ATRX: variants seen among roughly 807,000 people sequenced by gnomAD.
ATRX encodes the protein ATRX chromatin remodeler.
In ATRX, 12 loss-of-function variants were observed where a neutral mutation model predicts 172.6. The ratio of observed to expected loss-of-function variants is 0.07; its 90% CI spans 0.04 to 0.11. The LOEUF (loss-of-function observed/expected upper bound fraction) is 0.11. ATRX is among the 10% of genes least tolerant of loss of function. ATRX has a pLI of 1.00. For synonymous variants in ATRX, 674 were observed against 594.7 expected, an observed-to-expected ratio of 1.13 and a Z score of -1.94; for missense variants, 1,368 against 1,767.4, an observed-to-expected ratio of 0.77 and a Z score of 4.05.
intron 30 of ATRX, among the ~76,000 whole-genome samples, chrX:77,549,342 A>T (rs959288782): frequency 7.1e-5 from 8 of 112,055 alleles, no homozygotes; most frequent in African/African-American, 2.6e-4. Flanking sequence ...CTGAGATTGC[A>T]GCACTGCACT....
At chrX:77,679,322 T>C (rs1344618114) in intron 9 of ATRX, among the ~76,000 whole-genome samples, 21 of 111,250 alleles carry the variant, frequency 1.9e-4, no homozygotes, top group African/African-American at 5.5e-4. Context: ...CACCAAGCAG[T>C]TGAAGGATTG....
In ATRX at chrX:77,616,596, CA is replaced by C. The variant is rs782315940; in HGVS notation, c.5566+16del. ...GTCTTTATAGAGAAGATGAAATCAACAAGGTGTATTGTTTACCTGTTAAGTG... is the reference window on the plus strand; with the variant it reads ...GTCTTTATAGAGAAGATGAAATCAACAGGTGTATTGTTTACCTGTTAAGTG... On this transcript the variant is annotated intron_variant, in intron 22 of 34. Coordinates refer to ENST00000373344, the MANE Select transcript of ATRX (RefSeq NM_000489.6). 5.2e-6 allele frequency: 6 copies of C among 1,157,367 alleles called. No homozygotes were observed. Among genetic ancestry groups the C allele is most frequent in the Non-Finnish European group, 5.9e-6 (5 of 846,431 alleles).
At chrX:77,592,534 C>T (rs1323293203) in intron 26 of ATRX, among the ~76,000 whole-genome samples, 1 of 108,502 alleles carries the variant, frequency 9.2e-6, no homozygotes, top group African/African-American at 3.4e-5. Flanking sequence ...TTTTGGAGGC[C>T]GGGCGTGGTG....
At chrX:77,679,106 C>A (rs186352329) in intron 9 of ATRX, among the ~76,000 whole-genome samples, 1 of 111,082 alleles carries the variant, frequency 9.0e-6, no homozygotes, top group Non-Finnish European at 1.9e-5. Flanking sequence ...CTGGCTCACA[C>A]GCAAACTTAT....
chrX:77,597,987 T>C (rs1266598891), intron 25 of ATRX, among the ~76,000 whole-genome samples: 1 of 112,127 alleles, frequency 8.9e-6, no homozygotes, highest in Non-Finnish European at 1.9e-5. Context: ...TGCACTCATA[T>C]ATTTATTACA....
intron 30 of ATRX, among the ~76,000 whole-genome samples, chrX:77,552,396 G>A (rs2064580690): frequency 1.0e-5 from 1 of 99,260 alleles, no homozygotes; most frequent in Non-Finnish European, 2.0e-5. Flanking sequence ...CTCACTCATA[G>A]GTGGGAATTG....
At chrX:77,772,235 C>T (rs910443187) in intron 1 of ATRX, among the ~76,000 whole-genome samples, 1 of 105,574 alleles carries the variant, frequency 9.5e-6, no homozygotes, top group Non-Finnish European at 1.9e-5. Flanking sequence ...GCAGAGAACC[C>T]GGGAGGCAGA....
At chrX:77,632,793 T>A (rs1265914485) in intron 19 of ATRX, among the ~76,000 whole-genome samples, 1 of 112,021 alleles carries the variant, frequency 8.9e-6, no homozygotes, top group African/African-American at 3.2e-5. Context: ...CCTTTCATAC[T>A]GATGGCCCCT....
intron 1 of ATRX, among the ~76,000 whole-genome samples, chrX:77,765,328 G>A (rs1414221970): frequency 8.9e-6 from 1 of 112,182 alleles, no homozygotes; most frequent in Non-Finnish European, 1.9e-5. Context: ...TAATCAAGAA[G>A]ATTCTAAATA....
intron 22 of ATRX, among the ~76,000 whole-genome samples, chrX:77,603,491 G>A (rs1422929164): frequency 1.9e-5 from 2 of 108,079 alleles, no homozygotes; most frequent in South Asian, 4.1e-4. Context: ...TCAGCCTCCC[G>A]AGTAGCTGAG....
At position 77,506,909 on chromosome X, in the gene ATRX, T is replaced by TC. The variant is rs2062721195; in HGVS notation, c.*1441_*1442insG. On this transcript the variant is annotated 3_prime_UTR_variant, in exon 35 of 35. Transcript: ENST00000373344. Reference sequence around the variant, plus strand: ...CAAACCCAGTTTTCTTTTTTTTTTTTTTTTTTTTTTTTTTGGAATTCTTAA... The same window carrying TC: ...CAAACCCAGTTTTCTTTTTTTTTTTTCTTTTTTTTTTTTTTGGAATTCTTAA... 1 of 155,793 alleles carries TC rather than the reference T, an allele frequency of 6.4e-6. No homozygotes were observed. The highest frequency in any genetic ancestry group is 3.3e-5 in the African/African-American group (1 of 29,884). 12.8% of individuals were successfully genotyped at this position (155,793 alleles called of 1,213,427 possible). A position where few individuals can be genotyped will look rare whatever the true frequency, so the allele number is the denominator to read the frequency against.
At chrX:77,743,110 T>C (rs1268609217) in intron 1 of ATRX, among the ~76,000 whole-genome samples, 1 of 110,734 alleles carries the variant, frequency 9.0e-6, no homozygotes, top group East Asian at 2.8e-4. Flanking sequence ...CCCCCAGGAT[T>C]TGAGCACGAT....
intron 1 of ATRX, among the ~76,000 whole-genome samples, chrX:77,719,254 C>A (rs2073614486): frequency 9.0e-6 from 1 of 111,025 alleles, no homozygotes; most frequent in Admixed American, 9.7e-5. Flanking sequence ...AATTAAACAA[C>A]AAAAAGACAA....
At chrX:77,739,721 T>C (rs2074767041) in intron 1 of ATRX, among the ~76,000 whole-genome samples, 1 of 110,172 alleles carries the variant, frequency 9.1e-6, no homozygotes. Context: ...CACAGACACC[T>C]ATGACAGTTT....
chrX:77,686,646 C>A (rs1196746638), intron 7 of ATRX, among the ~76,000 whole-genome samples: 1 of 110,633 alleles, frequency 9.0e-6, no homozygotes, highest in East Asian at 2.8e-4. Context: ...AACCCTGAGG[C>A]GGAGGTTGCA....
At chrX:77,555,188 T>A (rs1557058316) in intron 30 of ATRX, among the ~76,000 whole-genome samples, 1 of 111,025 alleles carries the variant, frequency 9.0e-6, no homozygotes, top group Non-Finnish European at 1.9e-5. Flanking sequence ...AGAATAATGA[T>A]CATTAAATAA....
At chrX:77,552,404 T>C (rs145398872) in intron 30 of ATRX, among the ~76,000 whole-genome samples, 2,928 of 92,308 alleles carry the variant, frequency 0.032, 62 homozygotes, top group East Asian at 0.089. Flanking sequence ...TAGGTGGGAA[T>C]TGAACAATGA....
intron 26 of ATRX, 99 bp downstream of exon 26, chrX:77,593,593 TAGGA>T: frequency 1.1e-6 from 1 of 900,631 alleles, no homozygotes; most frequent in Non-Finnish European, 1.6e-6. Context: ...ATCACATCTT[TAGGA>T]AGGAAGGAAA....
intron 34 of ATRX, among the ~76,000 whole-genome samples, chrX:77,518,303 T>C (rs1357292040): frequency 1.8e-5 from 2 of 112,241 alleles, no homozygotes; most frequent in Non-Finnish European, 3.8e-5. Flanking sequence ...TTAGAACTGA[T>C]AAACAAACTT....
Sources: gnomAD v4.1 joint callset for allele counts (sites outside exome capture counted in the v4.1 genomes callset) on GRCh38, gnomAD v4.1.1 for gene constraint, MANE v1.5 for transcripts, NCBI Gene and HGNC (gene_info 2026-07-23, HGNC 2026-07-21) for gene names.